GATAD2B: variants seen among roughly 807,000 people sequenced by gnomAD.
The protein encoded by GATAD2B is transcriptional repressor p66-beta.
In GATAD2B, 8 loss-of-function variants were observed where a neutral mutation model predicts 64.3. The observed-to-expected ratio is 0.12, with a 90% CI of 0.07 to 0.22. GATAD2B has a LOEUF of 0.22. GATAD2B is among the 10% of genes least tolerant of loss of function. The pLI is 1.00. For missense variants in GATAD2B, 453 were observed against 752.0 expected, an observed-to-expected ratio of 0.60 and a Z score of 4.65; for synonymous variants, 281 against 271.3, an observed-to-expected ratio of 1.04 and a Z score of -0.35.
intron 1 of GATAD2B, among the ~76,000 whole-genome samples, chr1:153,858,856 G>A (rs1264021055): frequency 6.6e-6 from 1 of 152,144 alleles, no homozygotes; most frequent in Admixed American, 6.6e-5. Context: ...TAGGGTAGGG[G>A]AAGAGACTAT....
At chr1:153,865,902 C>T (rs893937102) in intron 1 of GATAD2B, among the ~76,000 whole-genome samples, 1 of 152,006 alleles carries the variant, frequency 6.6e-6, no homozygotes, top group African/African-American at 2.4e-5. Context: ...GTGGGTAGAT[C>T]GCTTGAGCCC....
intron 1 of GATAD2B, among the ~76,000 whole-genome samples, chr1:153,887,606 A>G (rs1677223665): frequency 6.6e-6 from 1 of 152,170 alleles, no homozygotes; most frequent in African/African-American, 2.4e-5. Context: ...TAGTACTCCT[A>G]TTTTATTTTT....
chr1:153,879,065 G>C (rs372918411), intron 1 of GATAD2B, among the ~76,000 whole-genome samples: 1 of 151,838 alleles, frequency 6.6e-6, no homozygotes, highest in African/African-American at 2.4e-5. Flanking sequence ...TCAGCCTCCC[G>C]AGTAGCTGGG....
intron 1 of GATAD2B, among the ~76,000 whole-genome samples, chr1:153,865,346 A>G (rs1676439217): frequency 6.6e-6 from 1 of 151,868 alleles, no homozygotes; most frequent in African/African-American, 2.4e-5. Context: ...CTGTAGTCCC[A>G]CCTACTTAAG....
At chr1:153,914,227 CAAAAAAAAAAAAAA>C (rs759245034) in intron 1 of GATAD2B, among the ~76,000 whole-genome samples, 1 of 65,984 alleles carries the variant, frequency 1.5e-5, no homozygotes. Context: ...CCCAGACTCT[CAAAAAAAAAAAAAA>C]AAAAAAAAAA....
intron 1 of GATAD2B, among the ~76,000 whole-genome samples, chr1:153,839,108 C>CAAAAAAAAAAAAAAAAAAAAAAAA (rs35262137): frequency 2.0e-4 from 16 of 78,568 alleles, no homozygotes; most frequent in East Asian, 1.9e-3. Context: ...GACCCTGTCT[C>CAAAAAAAAAAAAAAAAAAAAAAAA]AAAAAAAAAA....
At chr1:153,822,895 C>T (rs531616690) in intron 2 of GATAD2B, among the ~76,000 whole-genome samples, 3 of 152,160 alleles carry the variant, frequency 2.0e-5, no homozygotes, top group South Asian at 4.2e-4. Context: ...TGGCTCACTG[C>T]AGTCTCAATC....
At chr1:153,831,985 C>T (rs568157890) in intron 1 of GATAD2B, among the ~76,000 whole-genome samples, 2 of 152,312 alleles carry the variant, frequency 1.3e-5, no homozygotes, top group African/African-American at 4.8e-5. Flanking sequence ...GAAGCCAAGG[C>T]GGGCTGATCA....
intron 1 of GATAD2B, among the ~76,000 whole-genome samples, chr1:153,899,918 A>G (rs1489113649): frequency 6.6e-6 from 1 of 152,192 alleles, no homozygotes; most frequent in African/African-American, 2.4e-5. Flanking sequence ...ACCTACAAAT[A>G]TACTTAAATG....
At chr1:153,858,476 G>A (rs758551463) in intron 1 of GATAD2B, among the ~76,000 whole-genome samples, 26 of 152,062 alleles carry the variant, frequency 1.7e-4, no homozygotes, top group Non-Finnish European at 3.4e-4. Flanking sequence ...ATGGTGGCAT[G>A]CACCTGCGGT....
At chr1:153,836,773 A>T (rs1484609862) in intron 1 of GATAD2B, among the ~76,000 whole-genome samples, 2 of 152,206 alleles carry the variant, frequency 1.3e-5, no homozygotes, top group Non-Finnish European at 2.9e-5. Context: ...ATAGTATATG[A>T]CAAAACAACA....
intron 1 of GATAD2B, among the ~76,000 whole-genome samples, chr1:153,843,822 A>T (rs1675583979): frequency 6.6e-6 from 1 of 151,664 alleles, no homozygotes; most frequent in African/African-American, 2.4e-5. Context: ...ACCAAAAAAA[A>T]AAAAAAAAAA....
At chr1:153,810,530 C>T (rs982299608) in intron 10 of GATAD2B, among the ~76,000 whole-genome samples, 6 of 151,978 alleles carry the variant, frequency 3.9e-5, no homozygotes, top group African/African-American at 7.3e-5. Context: ...GTGTGATCTC[C>T]GCTCACCTCT....
chr1:153,880,677 C>T (rs1450387248), intron 1 of GATAD2B, among the ~76,000 whole-genome samples: 1 of 151,224 alleles, frequency 6.6e-6, no homozygotes, highest in Non-Finnish European at 1.5e-5. Context: ...GACCAAATTT[C>T]AATAAAAAAT....
intron 1 of GATAD2B, among the ~76,000 whole-genome samples, chr1:153,836,717 G>A (rs1473689177): frequency 2.6e-5 from 4 of 152,034 alleles, no homozygotes; most frequent in African/African-American, 9.7e-5. Flanking sequence ...CATTTAAGTT[G>A]ATATACTACA....
Position 153,817,442 on chromosome 1 carries a change from C to G in GATAD2B, c.830G>C (p.Arg277Pro). Residue 277 changes from arginine (R) to proline (P), a missense_variant, in exon 6 of 11, where the codon CGG becomes CCG. By Grantham distance (103) the Arg-to-Pro change is moderately radical. This residue lies in a region of GATAD2B where 293 missense variants were observed against 417.2 expected (regional missense o/e 0.70). Coordinates refer to ENST00000368655, the MANE Select transcript of GATAD2B (RefSeq NM_020699.4). ...TACAAGGCCAGGCTTAGGCGGGCCC[C>G]GCTGACCCTGTAGCTGGGCTGGGTT... Reference protein sequence around the residue: ...APNPAQLQGQRGPPKPGLVRT... With the variant: ...APNPAQLQGQPGPPKPGLVRT... 6.2e-7 allele frequency: 1 copy of G among 1,612,558 alleles called. No individual in the cohort carries two copies. The highest frequency in any genetic ancestry group is 8.5e-7 in the Non-Finnish European group (1 of 1,179,542).
intron 7 of GATAD2B, among the ~76,000 whole-genome samples, chr1:153,814,754 T>C (rs1674396031): frequency 6.6e-6 from 1 of 151,988 alleles, no homozygotes; most frequent in Non-Finnish European, 1.5e-5. Context: ...GGCAGGTGGA[T>C]CACCTGAGGT....
At chr1:153,827,390 C>CT (rs1674921804) in intron 2 of GATAD2B, among the ~76,000 whole-genome samples, 1 of 151,916 alleles carries the variant, frequency 6.6e-6, no homozygotes, top group Admixed American at 6.6e-5. Flanking sequence ...ACTGTGTGCT[C>CT]TACAGTTTCA....
At chr1:153,867,525 T>C (rs940808809) in intron 1 of GATAD2B, among the ~76,000 whole-genome samples, 3 of 151,546 alleles carry the variant, frequency 2.0e-5, no homozygotes, top group Middle Eastern at 3.4e-3. Context: ...AATAAATAAA[T>C]AAAATCAAGG....
Sources: allele counts gnomAD v4.1 joint callset (sites outside exome capture counted in the v4.1 genomes callset), GRCh38; gene constraint gnomAD v4.1.1; regional missense constraint gnomAD v4.1.1; transcripts MANE v1.5; gene names NCBI Gene and HGNC (gene_info 2026-07-23, HGNC 2026-07-21).